MOSMO: variants seen among roughly 807,000 people sequenced by gnomAD.
MOSMO encodes the protein modulator of smoothened protein.
MOSMO carries 5 observed loss-of-function variants against 18.4 expected under a neutral mutation model. That is an observed-to-expected ratio of 0.27 (90% CI 0.14 to 0.57). MOSMO has a LOEUF of 0.57. Ranked by LOEUF, MOSMO falls within the 20% of genes least tolerant of loss-of-function variation. The pLI is 0.92. For missense variants in MOSMO, 138 were observed against 211.8 expected (o/e 0.65, Z 2.16); for synonymous variants, 82 against 82.3 (o/e 1.00, Z 0.02).
At chr16:22,022,369 C>A (rs574454069) in intron 1 of MOSMO, among the ~76,000 whole-genome samples, 6 of 152,244 alleles carry the variant, frequency 3.9e-5, no homozygotes, top group African/African-American at 1.2e-4. Flanking sequence ...GCCCCTGATA[C>A]CTGGATTGCT....
chr16:22,035,821 A>G (rs1900097370), intron 1 of MOSMO, among the ~76,000 whole-genome samples: 1 of 152,082 alleles, frequency 6.6e-6, no homozygotes, highest in Non-Finnish European at 1.5e-5. Flanking sequence ...GCTTAGTTAA[A>G]TTTATTCCTA....
At chr16:22,033,340 T>A (rs1234633573) in intron 1 of MOSMO, among the ~76,000 whole-genome samples, 1 of 152,192 alleles carries the variant, frequency 6.6e-6, no homozygotes, top group Non-Finnish European at 1.5e-5. Context: ...TTATTAAATC[T>A]TTAGTTTCAG....
chr16:22,068,290 T>C (rs1900785836), intron 1 of MOSMO, among the ~76,000 whole-genome samples: 1 of 152,204 alleles, frequency 6.6e-6, no homozygotes, highest in African/African-American at 2.4e-5. Context: ...AGTTTCCGTA[T>C]GCTACTGAAT....
chr16:22,091,587 C>T (rs1353133422), downstream of MOSMO, among the ~76,000 whole-genome samples: 1 of 152,094 alleles, frequency 6.6e-6, no homozygotes, highest in African/African-American at 2.4e-5. Flanking sequence ...GACAGAGTCT[C>T]ACTGTGTTGC....
intron 1 of MOSMO, among the ~76,000 whole-genome samples, chr16:22,018,755 G>A (rs556553585): frequency 6.6e-6 from 1 of 152,246 alleles, no homozygotes. Flanking sequence ...CATATGCATA[G>A]GATCAGGCAA....
At chr16:22,075,127 T>C (rs1285568986) in intron 1 of MOSMO, among the ~76,000 whole-genome samples, 1 of 152,190 alleles carries the variant, frequency 6.6e-6, no homozygotes, top group East Asian at 1.9e-4. Context: ...CAGTTCTTTC[T>C]GCCAGCATGC....
chr16:22,060,500 A>T (rs563994860), intron 1 of MOSMO, among the ~76,000 whole-genome samples: 1 of 152,372 alleles, frequency 6.6e-6, no homozygotes, highest in Admixed American at 6.5e-5. Flanking sequence ...AATGGCTAAA[A>T]CTAGAAAGAT....
chr16:22,015,056 T>C (rs557799376), intron 1 of MOSMO, among the ~76,000 whole-genome samples: 1 of 152,272 alleles, frequency 6.6e-6, no homozygotes, highest in African/African-American at 2.4e-5. Flanking sequence ...ACCATCACCA[T>C]AGTCCATTTC....
intron 1 of MOSMO, among the ~76,000 whole-genome samples, chr16:22,069,002 C>G (rs905891035): frequency 6.6e-6 from 1 of 152,142 alleles, no homozygotes; most frequent in African/African-American, 2.4e-5. Context: ...TCCACAAGGT[C>G]AGGGGGTCCC....
chr16:22,048,913 C>T (rs1039531572), intron 1 of MOSMO, among the ~76,000 whole-genome samples: 1 of 152,098 alleles, frequency 6.6e-6, no homozygotes, highest in Non-Finnish European at 1.5e-5. Context: ...ATGTTTTCCT[C>T]ACTATAACCG....
chr16:22,008,580 A>AGCCGCCGGGCGCCAGCGGG (rs1899443334), intron 1 of MOSMO, among the ~76,000 whole-genome samples, 173 bp downstream of exon 1: 1 of 150,856 alleles, frequency 6.6e-6, no homozygotes, highest in Admixed American at 6.6e-5. Context: ...GAGGAGAGGA[A>AGCCGCCGGGCGCCAGCGGG]GCCGCCGGGC....
At chr16:22,078,252 C>T (rs1424896402) in intron 2 of MOSMO, among the ~76,000 whole-genome samples, 1 of 151,708 alleles carries the variant, frequency 6.6e-6, no homozygotes, top group East Asian at 1.9e-4. Context: ...ATTTAGGATC[C>T]AAAGCTCAGC....
chr16:22,061,342 C>T (rs1380205495), intron 1 of MOSMO, among the ~76,000 whole-genome samples: 1 of 152,196 alleles, frequency 6.6e-6, no homozygotes, highest in East Asian at 1.9e-4. Flanking sequence ...TTTAGGATAT[C>T]ACTTGTAAAA....
At chr16:22,025,904 C>T (rs1429152703) in intron 1 of MOSMO, among the ~76,000 whole-genome samples, 1 of 152,194 alleles carries the variant, frequency 6.6e-6, no homozygotes, top group Non-Finnish European at 1.5e-5. Context: ...GTACCTCTCT[C>T]TTATTAACAC....
At chr16:22,072,909 G>T (rs536081969) in intron 1 of MOSMO, among the ~76,000 whole-genome samples, 1 of 152,066 alleles carries the variant, frequency 6.6e-6, no homozygotes, top group African/African-American at 2.4e-5. Context: ...CTGCTATTTG[G>T]TTTTGATTTA....
At chr16:22,023,302 C>T (rs1446474294) in intron 1 of MOSMO, among the ~76,000 whole-genome samples, 1 of 152,092 alleles carries the variant, frequency 6.6e-6, no homozygotes, top group Non-Finnish European at 1.5e-5. Context: ...ATCCTAGAAA[C>T]CTCATACTCT....
intron 1 of MOSMO, among the ~76,000 whole-genome samples, chr16:22,024,291 A>G (rs1052577895): frequency 6.6e-6 from 1 of 152,016 alleles, no homozygotes; most frequent in Non-Finnish European, 1.5e-5. Context: ...GGTTAGGTAG[A>G]GCAGTTGATT....
At chr16:22,010,561 A>T (rs954695426) in intron 1 of MOSMO, among the ~76,000 whole-genome samples, 1 of 152,226 alleles carries the variant, frequency 6.6e-6, no homozygotes, top group Admixed American at 6.5e-5. Flanking sequence ...GATATAGTTG[A>T]AAGAGAAGAA....
rs144584593 is a variant in MOSMO at position 22,067,730 on chromosome 16, T to A, written c.107-7757T>A. On this transcript the variant is annotated intron_variant, in intron 1 of 2. Coordinates refer to ENST00000542527, the MANE Select transcript of MOSMO (RefSeq NM_001164579.2). ...CATCTCTACTAAAAATACAAAAAAA[T>A]TAGCTGGACGTGGTGGCACATGCCT... is the stretch of plus-strand genomic sequence containing the variant. Among the ~76,000 whole-genome samples, 367 of 152,056 alleles carry A rather than the reference T, an allele frequency of 2.4e-3. 4 individuals carry two copies. In the East Asian group the frequency reaches 0.048, roughly 20 times the overall value.
Sources: allele counts gnomAD v4.1 joint callset (sites outside exome capture counted in the v4.1 genomes callset), GRCh38; gene constraint gnomAD v4.1.1; transcripts MANE v1.5; gene names NCBI Gene and HGNC (gene_info 2026-07-23, HGNC 2026-07-21).